Variants in ZNF596 observed in about 807,000 individuals in gnomAD.
ZNF596 encodes the protein zinc finger protein 596.
Under a neutral mutation model 48.3 loss-of-function variants are expected in ZNF596, and 45 were observed. That is an observed-to-expected ratio of 0.93 (90% confidence interval 0.73 to 1.19). The LOEUF (loss-of-function observed/expected upper bound fraction) is 1.19, where lower values mean the gene tolerates loss of function less well. Ranked by LOEUF, ZNF596 falls within the 50% of genes most tolerant of loss-of-function variation. ZNF596 has a pLI of 0.00. For missense variants in ZNF596, 848 were observed against 599.7 expected (o/e 1.41, Z -4.32); for synonymous variants, 270 against 202.0 (o/e 1.34, Z -2.85).
At chr8:236,074 T>A (rs1183810013) in intron 1 of ZNF596, among the ~76,000 whole-genome samples, 2 of 152,224 alleles carry the variant, frequency 1.3e-5, no homozygotes, top group Non-Finnish European at 2.9e-5. Context: ...TCCATTCTAA[T>A]AATAGGATTT....
rs374094141 is a variant in ZNF596, at chr8:245,529, T to C, written c.682T>C (p.Cys228Arg). ...AGAGAAACCACACGGATGTCATCTA[T>C]GTGGGAAAGCCTTTACTCATTGCTC... The part of the protein sequence containing the change: ...TGEKPHGCHL[C>R]GKAFTHCSDL... The change falls in exon 6 of 6, where the codon TGT (cysteine) becomes CGT (arginine). Residue 228 changes from cysteine (C) to arginine (R), a missense_variant. Coordinates refer to ENST00000398612, the MANE Select transcript of ZNF596 (RefSeq NM_001042416.3). 3.7e-6 allele frequency: 6 copies of C among 1,614,152 alleles called. No individual in the cohort carries two copies. The highest frequency in any genetic ancestry group is 5.1e-6 in the Non-Finnish European group (6 of 1,180,006).
chr8:243,299 TG>T (rs1442724438), intron 3 of ZNF596: 1 of 303,368 alleles, frequency 3.3e-6, no homozygotes, highest in African/African-American at 2.1e-5. Context: ...GGTAATTCAC[TG>T]CTTTGGTATG....
intron 2 of ZNF596, 100 bp downstream of exon 2, chr8:241,007 G>C: frequency 1.4e-6 from 2 of 1,419,942 alleles, no homozygotes; most frequent in Non-Finnish European, 2.0e-6. Flanking sequence ...TGCACTCAAG[G>C]ATCCAAGCTC....
chr8:240,757 G>T, intron 1 of ZNF596, 67 bp from the exon 2 acceptor site: 2 of 1,038,758 alleles, frequency 1.9e-6, no homozygotes, highest in Non-Finnish European at 1.5e-6. Context: ...TAATAGCTTT[G>T]GGGCAGATGT....
intron 2 of ZNF596, among the ~76,000 whole-genome samples, chr8:242,094 A>G (rs1027464477): frequency 2.0e-5 from 3 of 152,184 alleles, no homozygotes; most frequent in South Asian, 2.1e-4. Context: ...GAGCCAAACT[A>G]TATCACCTGG....
At chr8:243,407 G>A (rs559824765) in intron 3 of ZNF596, 8 of 299,312 alleles carry the variant, frequency 2.7e-5, no homozygotes, top group African/African-American at 1.3e-4. Flanking sequence ...AATATTTATT[G>A]CATAGTTTTT....
chr8:242,251 T>C (rs891299213), intron 2 of ZNF596, among the ~76,000 whole-genome samples: 2 of 149,376 alleles, frequency 1.3e-5, no homozygotes, highest in Non-Finnish European at 2.9e-5. Context: ...AGTGAACACC[T>C]GAGTTGTGTA....
In ZNF596 at chr8:246,214, T is replaced by G. The variant is rs931790463; in HGVS notation, c.1367T>G (p.Phe456Cys). 3.1e-6 allele frequency: 5 copies of G among 1,614,142 alleles called. No individual in the cohort carries two copies. The highest frequency in any genetic ancestry group is 3.4e-6 in the Non-Finnish European group (4 of 1,180,022). The part of the protein sequence containing the change: ...PYECNICGKA[F>C]NRSYNFRLHR... ...GAATGCAATATATGTGGTAAAGCCT[T>G]CAATAGAAGTTACAACTTTAGACTT... Residue 456 changes from phenylalanine to cysteine, a missense_variant, in exon 6 of 6, where the codon TTC becomes TGC. By Grantham distance (205) the Phe-to-Cys change is radical. Coordinates refer to ENST00000398612, the MANE Select transcript of ZNF596 (RefSeq NM_001042416.3).
Position 243,719 on chromosome 8 carries a change from C to A in ZNF596, c.140-3C>A. The stretch of plus-strand genomic sequence containing the variant: ...AATCCATGTATCTTTTTCCCCAAAA[C>A]AGGCAAACAGCTCTGCAAATCAGTT... On this transcript the variant is annotated splice_region_variant and splice_polypyrimidine_tract_variant and intron_variant, in intron 3 of 5. Transcript: ENST00000398612. 6.2e-7 allele frequency: 1 copy of A among 1,613,122 alleles called. No individual in the cohort carries two copies. The highest frequency in any genetic ancestry group is 1.7e-5 in the Admixed American group (1 of 59,960).
intron 1 of ZNF596, among the ~76,000 whole-genome samples, chr8:235,887 C>A (rs12675669): frequency 6.6e-6 from 1 of 152,004 alleles, no homozygotes; most frequent in South Asian, 2.1e-4. Context: ...TGAAATTTGA[C>A]AACTTTATTT....
chr8:243,780 A>T lies in ZNF596; in HGVS notation c.198A>T (p.Ser66=). The part of the protein sequence containing the change: ...LSQLEQVEKL[S]TQRISLLQGR... ...AATTGGAGCAAGTAGAGAAACTTTC[A>T]ACACAAAGAATAAGCTTACTGCAAG... Residue 66 remains serine (S), a synonymous_variant, in exon 4 of 6, where the codon TCA becomes TCT. Coordinates refer to ENST00000398612, the MANE Select transcript of ZNF596 (RefSeq NM_001042416.3). 1 of 1,613,738 alleles carries T rather than the reference A, an allele frequency of 6.2e-7. No homozygotes were observed. The highest frequency in any genetic ancestry group is 8.5e-7 in the Non-Finnish European group (1 of 1,179,800).
In ZNF596 at chr8:245,899, G is replaced by A. The variant is rs1244799001; in HGVS notation, c.1052G>A (p.Arg351Lys). The A allele has an allele frequency of 6.2e-7, 1 of 1,614,026 alleles. No individual in the cohort carries two copies. Among genetic ancestry groups the A allele is most frequent in the Admixed American group, 1.7e-5 (1 of 60,012 alleles). Residue 351 changes from arginine (R) to lysine (K), a missense_variant, in exon 6 of 6, where the codon AGA becomes AAA. Physicochemically the swap from Arg to Lys is conservative, Grantham distance 26 (BLOSUM62 2). Coordinates refer to ENST00000398612, the MANE Select transcript of ZNF596 (RefSeq NM_001042416.3). ...GKAFSHCSHL[R>K]QHERSHNGEK... ...GCCTTCTCTCATTGTTCTCACCTTA[G>A]ACAACATGAGCGAAGTCACAATGGA...
intron 1 of ZNF596, among the ~76,000 whole-genome samples, chr8:239,828 G>A (rs968765649): frequency 6.6e-5 from 10 of 152,232 alleles, no homozygotes; most frequent in African/African-American, 2.2e-4. Context: ...CTTTCCCAAA[G>A]GATAGGGGGT....
In ZNF596 at chr8:246,235, G is replaced by C. The variant is rs1563072754; in HGVS notation, c.1388G>C (p.Arg463Thr). The C allele has an allele frequency of 1.9e-6, 3 of 1,614,006 alleles. No homozygotes were observed. The highest frequency in any genetic ancestry group is 2.5e-6 in the Non-Finnish European group (3 of 1,179,992). The part of the protein sequence containing the change: ...GKAFNRSYNF[R>T]LHRRVHTGEK... ...GCCTTCAATAGAAGTTACAACTTTA[G>C]ACTTCATAGAAGAGTTCACACTGGA... The change falls in exon 6 of 6, where the codon AGA becomes ACA. Residue 463 changes from arginine (R) to threonine (T), a missense_variant. Physicochemically the swap from Arg to Thr is moderately conservative, Grantham distance 71 (BLOSUM62 -1). Coordinates refer to ENST00000398612, the MANE Select transcript of ZNF596 (RefSeq NM_001042416.3).
rs1584911421 is a variant in ZNF596 at position 243,013 on chromosome 8, G to A, written c.139G>A (p.Gly47Ser). 6.2e-7 allele frequency: 1 copy of A among 1,608,562 alleles called. No individual in the cohort carries two copies. Among genetic ancestry groups the A allele is most frequent in the South Asian group, 1.1e-5 (1 of 90,696 alleles). ...LENISHLVSI[G>S]KQLCKSVVLS... ...GAACATCAGTCATCTGGTCTCTATTGGTGAGTCTCTTTATATTTATTATGT... is the reference window on the plus strand; with the variant it reads ...GAACATCAGTCATCTGGTCTCTATTAGTGAGTCTCTTTATATTTATTATGT... The change falls in exon 3 of 6, where the codon GGC becomes AGC. Residue 47 changes from glycine (G) to serine (S), a missense_variant and splice_region_variant. Transcript: ENST00000398612.
At chr8:240,491 T>A (rs1796808826) in intron 1 of ZNF596, 1 of 188,122 alleles carries the variant, frequency 5.3e-6, no homozygotes, top group Non-Finnish European at 1.1e-5. Context: ...ATTCCAGGAT[T>A]TATCTGTAGG....
At chr8:235,873 T>C (rs1422994012) in intron 1 of ZNF596, among the ~76,000 whole-genome samples, 1 of 152,212 alleles carries the variant, frequency 6.6e-6, no homozygotes, top group Non-Finnish European at 1.5e-5. Flanking sequence ...TAACATAGGT[T>C]ACATGAAATT....
chr8:247,176 CAT>C lies in ZNF596; in HGVS notation c.*816_*817del, dbSNP rs1448696347. On this transcript the variant is annotated 3_prime_UTR_variant, in exon 6 of 6. Coordinates refer to ENST00000398612, the MANE Select transcript of ZNF596 (RefSeq NM_001042416.3). ...TGAGATGTATAGCTGGGGGACAAAACATAAAGCCATCAAGCACGTGCTTGAGA... is the reference window on the plus strand; with the variant it reads ...TGAGATGTATAGCTGGGGGACAAAACAAAGCCATCAAGCACGTGCTTGAGA... The C allele has an allele frequency of 1.3e-5, 2 of 152,068 alleles. No homozygotes were observed. Among genetic ancestry groups the C allele is most frequent in the Middle Eastern group, 3.4e-3 (1 of 294 alleles). The allele number at this position is 152,068 out of a possible 1,614,324, so 9.4% of individuals were successfully genotyped here. A position where few individuals can be genotyped will look rare whatever the true frequency, so the allele number is the denominator to read the frequency against.
Position 245,823 on chromosome 8 carries a change from G to T in ZNF596, c.976G>T (p.Glu326Ter). 6.2e-7 allele frequency: 1 copy of T among 1,614,090 alleles called. No individual in the cohort carries two copies. The highest frequency in any genetic ancestry group is 1.1e-5 in the South Asian group (1 of 91,076). The stretch of plus-strand genomic sequence containing the variant: ...TAAATGTTCTTACCTTAGACAACAT[G>T]AAAGAACTCACAATGGAGAGAAACC... ...FSKCSYLRQH[E>*]RTHNGEKPYE... is the part of the protein sequence containing the mutation. The change falls in exon 6 of 6, where the codon GAA becomes TAA. Residue 326 changes from glutamate (E) to a stop codon, truncating the protein, a stop_gained. Coordinates refer to ENST00000398612, the MANE Select transcript of ZNF596 (RefSeq NM_001042416.3). LOFTEE classifies it high-confidence loss of function.
Sources: gnomAD v4.1 joint callset for allele counts (sites outside exome capture counted in the v4.1 genomes callset) on GRCh38, gnomAD v4.1.1 for gene constraint, MANE v1.5 for transcripts, NCBI Gene and HGNC (gene_info 2026-07-23, HGNC 2026-07-21) for gene names.